The following TBC1D4 variants were observed in gnomAD, a reference collection of about 807,000 sequenced individuals.
TBC1D4 encodes TBC1 domain family member 4.
In TBC1D4, 121 loss-of-function variants were observed where a neutral mutation model predicts 142.5. That is an observed-to-expected ratio of 0.85 (90% CI 0.73 to 0.99). The LOEUF is 0.99. Ranked by LOEUF, TBC1D4 falls within the 50% of genes least tolerant of loss-of-function variation. TBC1D4 has a pLI of 0.00. For missense variants in TBC1D4, 1,475 were observed against 1,606.6 expected (o/e 0.92, Z 1.40); for synonymous variants, 630 against 628.2 (o/e 1.00, Z -0.04).
At position 75,404,059 on chromosome 13, in the gene TBC1D4, TAC is replaced by T. The variant is rs375186546; in HGVS notation, c.499-41454_499-41453del. On this transcript the variant is annotated intron_variant, in intron 1 of 20. Transcript: ENST00000377636. ...TAGGCTTTTGTAGGGGGGATATATATACATACACACACACACACACACACACA... is the reference window on the plus strand; with the variant it reads ...TAGGCTTTTGTAGGGGGGATATATATATACACACACACACACACACACACA... Among the ~76,000 whole-genome samples the T allele has an allele frequency of 4.4e-3, 321 of 73,174 alleles. 2 individuals carry two copies. Among genetic ancestry groups the T allele is most frequent in the African/African-American group, 0.018 (215 of 12,014 alleles). 48.0% of individuals were successfully genotyped at this position (73,174 alleles called of 152,430 possible).
chr13:75,297,649 C>T (rs961576543), intron 17 of TBC1D4, among the ~76,000 whole-genome samples: 2 of 151,430 alleles, frequency 1.3e-5, no homozygotes. Flanking sequence ...CCCAGCTACT[C>T]GGGAGGCTGA....
At chr13:75,401,731 G>A (rs762948241) in intron 1 of TBC1D4, among the ~76,000 whole-genome samples, 22 of 152,104 alleles carry the variant, frequency 1.4e-4, no homozygotes, top group Admixed American at 6.6e-4. Flanking sequence ...TCTTGTTGTT[G>A]TTAGCTACTG....
intron 1 of TBC1D4, among the ~76,000 whole-genome samples, chr13:75,423,623 T>C (rs1268587051): frequency 1.3e-5 from 2 of 152,144 alleles, no homozygotes; most frequent in African/African-American, 4.8e-5. Flanking sequence ...TGATTCTAGG[T>C]ATTAAGGGCA....
chr13:75,297,894 T>C (rs1876116986), intron 17 of TBC1D4, among the ~76,000 whole-genome samples: 1 of 152,118 alleles, frequency 6.6e-6, no homozygotes, highest in Admixed American at 6.5e-5. Flanking sequence ...TCATATGAAC[T>C]CACACCAGAA....
chr13:75,312,943 A>G, intron 12 of TBC1D4, 45 bp from the exon 13 acceptor site: 2 of 1,608,172 alleles, frequency 1.2e-6, no homozygotes, highest in Non-Finnish European at 1.7e-6. Context: ...AGAGCTGCAC[A>G]TCATGGCACT....
At chr13:75,406,951 A>T (rs1295756356) in intron 1 of TBC1D4, among the ~76,000 whole-genome samples, 1 of 152,194 alleles carries the variant, frequency 6.6e-6, no homozygotes, top group Non-Finnish European at 1.5e-5. Context: ...TCAACACCCT[A>T]GTATTCATAC....
intron 1 of TBC1D4, among the ~76,000 whole-genome samples, chr13:75,466,879 T>A (rs557127706): frequency 1.1e-4 from 16 of 149,320 alleles, no homozygotes; most frequent in South Asian, 2.1e-4. Flanking sequence ...CAAAAAAAAA[T>A]AATAATAATT....
intron 16 of TBC1D4, among the ~76,000 whole-genome samples, chr13:75,301,343 CATT>C (rs1318902912): frequency 1.3e-5 from 2 of 151,980 alleles, no homozygotes; most frequent in Admixed American, 6.6e-5. Context: ...TGAAAATCAG[CATT>C]TAAGAAGACT....
chr13:75,481,865 A>C lies in TBC1D4; in HGVS notation c.-98T>G, dbSNP rs1888906368. 1.5e-6 allele frequency: 2 copies of C among 1,370,200 alleles called. No individual in the cohort carries two copies. The highest frequency in any genetic ancestry group is 1.5e-5 in the African/African-American group (1 of 64,910). 84.9% of individuals were successfully genotyped at this position (1,370,200 alleles called of 1,614,324 possible). A position where few individuals can be genotyped will look rare whatever the true frequency, so the allele number is the denominator to read the frequency against. On this transcript the variant is annotated 5_prime_UTR_variant, in exon 1 of 21. Coordinates refer to ENST00000377636, the MANE Select transcript of TBC1D4 (RefSeq NM_014832.5). Reference sequence around the variant, plus strand: ...CCGCCGAAACTGTGCCAACTGCCGCACCGGGCTCCCGCGCCTGCCTGGGAG... The same window carrying C: ...CCGCCGAAACTGTGCCAACTGCCGCCCCGGGCTCCCGCGCCTGCCTGGGAG...
At chr13:75,436,677 C>T (rs1176054886) in intron 1 of TBC1D4, among the ~76,000 whole-genome samples, 22 of 150,512 alleles carry the variant, frequency 1.5e-4, no homozygotes, top group Admixed American at 1.5e-3. Flanking sequence ...AAACAAAAAA[C>T]ATTTTACAAC....
intron 10 of TBC1D4, 126 bp from the exon 11 acceptor site, chr13:75,324,527 G>T (rs1412505016): frequency 1.8e-6 from 2 of 1,109,514 alleles, no homozygotes; most frequent in Non-Finnish European, 2.6e-6. Flanking sequence ...GCTCAGGGCT[G>T]GATCTTACAT....
chr13:75,409,345 T>C (rs1455314866), intron 1 of TBC1D4, among the ~76,000 whole-genome samples: 1 of 152,206 alleles, frequency 6.6e-6, no homozygotes, highest in Non-Finnish European at 1.5e-5. Flanking sequence ...TTTATATTCA[T>C]TTTAAATACT....
At chr13:75,462,166 A>G (rs2138286279) in intron 1 of TBC1D4, among the ~76,000 whole-genome samples, 1 of 152,260 alleles carries the variant, frequency 6.6e-6, no homozygotes, top group Non-Finnish European at 1.5e-5. Flanking sequence ...CATCACCATT[A>G]TTATATTATT....
At chr13:75,387,388 C>A (rs145445738) in intron 1 of TBC1D4, among the ~76,000 whole-genome samples, 4 of 152,282 alleles carry the variant, frequency 2.6e-5, no homozygotes, top group African/African-American at 9.6e-5. Context: ...TGTGGCAATG[C>A]GAAATCTGAA....
chr13:75,292,776 C>A (rs1875461064), intron 18 of TBC1D4, among the ~76,000 whole-genome samples: 1 of 151,318 alleles, frequency 6.6e-6, no homozygotes, highest in Admixed American at 6.6e-5. Context: ...AAACATACAA[C>A]CTCAATCAGG....
intron 1 of TBC1D4, among the ~76,000 whole-genome samples, chr13:75,389,121 T>C (rs1884335439): frequency 6.6e-6 from 1 of 152,334 alleles, no homozygotes; most frequent in Non-Finnish European, 1.5e-5. Context: ...CTATTCTGGG[T>C]TCAAATTTTT....
chr13:75,452,160 A>C (rs1305179472), intron 1 of TBC1D4, among the ~76,000 whole-genome samples: 1 of 152,140 alleles, frequency 6.6e-6, no homozygotes, highest in African/African-American at 2.4e-5. Flanking sequence ...CCTTCCAAGT[A>C]AACTCGCTGT....
intron 17 of TBC1D4, among the ~76,000 whole-genome samples, chr13:75,296,068 C>A (rs1318154315): frequency 6.7e-6 from 1 of 150,250 alleles, no homozygotes; most frequent in Non-Finnish European, 1.5e-5. Flanking sequence ...TGCAAAAATA[C>A]AAAAAATTGT....
intron 1 of TBC1D4, among the ~76,000 whole-genome samples, chr13:75,416,250 T>C (rs1288319795): frequency 6.6e-6 from 1 of 152,246 alleles, no homozygotes; most frequent in Non-Finnish European, 1.5e-5. Context: ...AAACTAGGCA[T>C]GCAGTGTATG....
Sources: allele counts gnomAD v4.1 joint callset (sites outside exome capture counted in the v4.1 genomes callset), GRCh38; gene constraint gnomAD v4.1.1; transcripts MANE v1.5; gene names NCBI Gene and HGNC (gene_info 2026-07-23, HGNC 2026-07-21).